NLGN1: variants seen among roughly 807,000 people sequenced by gnomAD.
The protein encoded by NLGN1 is neuroligin-1.
Under a neutral mutation model 65.5 loss-of-function variants are expected in NLGN1, and 12 were observed. The observed-to-expected ratio is 0.18, with a 90% CI of 0.12 to 0.30. NLGN1 has a LOEUF of 0.30. NLGN1 is among the 10% of genes least tolerant of loss of function. The pLI is 1.00. For missense variants in NLGN1, 750 were observed against 1,007.1 expected (o/e 0.74, Z 3.46); for synonymous variants, 350 against 359.5 (o/e 0.97, Z 0.30).
chr3:173,700,403 A>G (rs1292148730), intron 3 of NLGN1, among the ~76,000 whole-genome samples: 1 of 152,220 alleles, frequency 6.6e-6, no homozygotes, highest in African/African-American at 2.4e-5. Context: ...GAAAAGATGT[A>G]TTCAGGTCTC....
At position 173,988,758 on chromosome 3, in the gene NLGN1, A is replaced by G. The variant is rs1000479628; in HGVS notation, c.646+180926A>G. ...TTTAATCTCCAAATATTTTTTATCT[A>G]GTACTTTCTTCAATTGAATGGATTG... On this transcript the variant is annotated intron_variant, in intron 4 of 6. Transcript: ENST00000457714. 2.6e-5 allele frequency among the ~76,000 whole-genome samples: 4 copies of G among 152,040 alleles called. No individual in the cohort carries two copies. The East Asian group carries it at 7.7e-4, about 29-fold the overall frequency.
intron 4 of NLGN1, among the ~76,000 whole-genome samples, chr3:174,250,710 AC>A (rs1744609098): frequency 6.6e-6 from 1 of 152,044 alleles, no homozygotes; most frequent in African/African-American, 2.4e-5. Flanking sequence ...TGAGAAGTTA[AC>A]ATTCTTTACT....
intron 4 of NLGN1, 109 bp downstream of exon 4, chr3:173,807,941 G>T (rs1488548): frequency 0.83 from 918,960 of 1,112,394 alleles, 386,421 homozygotes; most frequent in African/African-American, 0.93. Flanking sequence ...TTTTTTATGC[G>T]TGTTGACATT....
intron 4 of NLGN1, among the ~76,000 whole-genome samples, chr3:174,173,759 A>C (rs1728962198): frequency 6.6e-6 from 1 of 151,270 alleles, no homozygotes; most frequent in Admixed American, 6.6e-5. Context: ...TAATCAGCAA[A>C]ATTAATTAGC....
intron 4 of NLGN1, among the ~76,000 whole-genome samples, chr3:174,002,946 C>G (rs1723600074): frequency 6.6e-6 from 1 of 152,136 alleles, no homozygotes; most frequent in African/African-American, 2.4e-5. Context: ...CATCAATTGT[C>G]AATGCTTTAG....
intron 2 of NLGN1, among the ~76,000 whole-genome samples, chr3:173,539,672 T>TATATAACATATATGTATATATGTACAC (rs1738252430): frequency 7.2e-6 from 1 of 139,786 alleles, no homozygotes; most frequent in Non-Finnish European, 1.5e-5. Flanking sequence ...TATATGCACA[T>TATATAACATATATGTATATATGTACAC]ATATAACATA....
rs1753969098 is a variant in NLGN1, at chr3:173,621,430, T to TA, written c.493+16343dup. 3.3e-5 allele frequency among the ~76,000 whole-genome samples: 5 copies of TA among 152,090 alleles called. No homozygotes were observed. The South Asian group carries it at 1.0e-3, about 31-fold the overall frequency. ...GAGCACATAAAATATTGAATTGTGA[T>TA]AAAATATTGATTGTGGTAAAATATC... is the stretch of plus-strand genomic sequence containing the variant. On this transcript the variant is annotated intron_variant, in intron 3 of 6. Coordinates refer to ENST00000457714, the Ensembl canonical transcript of NLGN1.
chr3:173,587,413 T>C (rs1747671272), intron 2 of NLGN1, among the ~76,000 whole-genome samples: 2 of 152,102 alleles, frequency 1.3e-5, no homozygotes, highest in East Asian at 1.9e-4. Flanking sequence ...AATAAGTATA[T>C]ACAAAACTAC....
At chr3:173,783,453 A>T (rs76893982) in intron 3 of NLGN1, among the ~76,000 whole-genome samples, 1 of 152,178 alleles carries the variant, frequency 6.6e-6, no homozygotes, top group Non-Finnish European at 1.5e-5. Flanking sequence ...GCAGCTGATT[A>T]TCTCATGCCC....
chr3:173,800,405 C>G (rs1221982029), intron 3 of NLGN1: 1 of 589,964 alleles, frequency 1.7e-6, no homozygotes, highest in Non-Finnish European at 2.5e-6. Context: ...ATCACTTTTT[C>G]CACCCCTTTC....
intron 4 of NLGN1, among the ~76,000 whole-genome samples, chr3:174,221,098 C>T (rs533569579): frequency 1.1e-4 from 16 of 152,248 alleles, no homozygotes; most frequent in African/African-American, 3.6e-4. Context: ...ATATTATTGC[C>T]TACTATTTAA....
chr3:173,679,529 G>A (rs1314595218), intron 3 of NLGN1, among the ~76,000 whole-genome samples: 5 of 152,046 alleles, frequency 3.3e-5, no homozygotes, highest in Admixed American at 3.3e-4. Context: ...TCCATGTGTT[G>A]GAATTGCTGA....
chr3:173,702,595 A>G (rs73048377), intron 3 of NLGN1, among the ~76,000 whole-genome samples: 14,265 of 152,268 alleles, frequency 0.094, 681 homozygotes, highest in African/African-American at 0.1. Context: ...AGAACATCAT[A>G]TGATTTTGAG....
chr3:174,280,142 T>G lies in NLGN1; in HGVS notation c.1650-339T>G, dbSNP rs886440345. On this transcript the variant is annotated intron_variant, in intron 6 of 6. Transcript: ENST00000457714. This position sits in a 1 kb window ranked among gnomAD's most constrained non-coding sequence, Gnocchi z 4.9. ...TCATCTGCTAATTTAAAATCAAAAATCCTTTCCACTATTCCATGTCATCTC... is the reference window on the plus strand; with the variant it reads ...TCATCTGCTAATTTAAAATCAAAAAGCCTTTCCACTATTCCATGTCATCTC... Among the ~76,000 whole-genome samples, 18 of 152,088 alleles carry G rather than the reference T, an allele frequency of 1.2e-4. No individual in the cohort carries two copies. The highest frequency in any genetic ancestry group is 9.2e-4 in the Admixed American group (14 of 15,270).
intron 3 of NLGN1, among the ~76,000 whole-genome samples, chr3:173,783,638 G>A (rs1490410234): frequency 6.6e-6 from 1 of 152,076 alleles, no homozygotes; most frequent in Non-Finnish European, 1.5e-5. Flanking sequence ...TTTTTGAGAC[G>A]GAATCTTGCT....
intron 4 of NLGN1, among the ~76,000 whole-genome samples, chr3:173,892,585 A>AG (rs1334104670): frequency 6.6e-6 from 1 of 151,912 alleles, no homozygotes; most frequent in East Asian, 1.9e-4. Context: ...TAAAAAAAAA[A>AG]AAAAAATGAC....
At chr3:173,665,762 A>C (rs1761612610) in intron 3 of NLGN1, among the ~76,000 whole-genome samples, 1 of 152,210 alleles carries the variant, frequency 6.6e-6, no homozygotes, top group Non-Finnish European at 1.5e-5. Flanking sequence ...GCATTTCTTA[A>C]TGTGCAGAGA....
chr3:173,726,075 A>C (rs1466161965), intron 3 of NLGN1, among the ~76,000 whole-genome samples: 1 of 152,050 alleles, frequency 6.6e-6, no homozygotes, highest in Non-Finnish European at 1.5e-5. Flanking sequence ...AACATAACTT[A>C]ATCAAGGGAG....
intron 4 of NLGN1, among the ~76,000 whole-genome samples, chr3:173,959,068 C>T (rs1014721196): frequency 1.3e-5 from 2 of 152,214 alleles, no homozygotes; most frequent in African/African-American, 4.8e-5. Context: ...TTCCCAGGCC[C>T]TCGAGAGTGC....
Sources: gnomAD v4.1 joint callset for allele counts (sites outside exome capture counted in the v4.1 genomes callset) on GRCh38, gnomAD v4.1.1 for gene constraint, Gnocchi (gnomAD v3.1) non-coding constraint, MANE v1.5 for transcripts, NCBI Gene and HGNC (gene_info 2026-07-23, HGNC 2026-07-21) for gene names.